PRDM16: variants seen among roughly 807,000 people sequenced by gnomAD.
PRDM16 encodes the protein PR/SET domain 16.
Under a neutral mutation model 110.6 loss-of-function variants are expected in PRDM16, and 23 were observed. That is an observed-to-expected ratio of 0.21 (90% CI 0.15 to 0.29). PRDM16 has a LOEUF of 0.29. Among genes scored for constraint, PRDM16 ranks in the 10% least tolerant of loss-of-function variants. PRDM16 has a pLI of 1.00. For synonymous variants in PRDM16, 799 were observed against 781.8 expected (o/e 1.02, Z -0.37); for missense variants, 1,615 against 1,794.3 (o/e 0.90, Z 1.81).
At chr1:3,273,616 G>A (rs1008939483) in intron 3 of PRDM16, among the ~76,000 whole-genome samples, 4 of 151,770 alleles carry the variant, frequency 2.6e-5, no homozygotes, top group Non-Finnish European at 5.9e-5. Flanking sequence ...GTACGGGCAC[G>A]TAAGTGTGTG....
intron 3 of PRDM16, among the ~76,000 whole-genome samples, chr1:3,312,949 CA>C (rs1408521986): frequency 6.6e-6 from 1 of 152,332 alleles, no homozygotes; most frequent in East Asian, 1.9e-4. Flanking sequence ...GTGCGTCTTC[CA>C]AAAGGGGCGA....
intron 3 of PRDM16, among the ~76,000 whole-genome samples, chr1:3,381,602 C>T (rs1189607876): frequency 6.6e-6 from 1 of 151,958 alleles, no homozygotes; most frequent in Admixed American, 6.5e-5. Flanking sequence ...TGTTGGCCAG[C>T]CTGGTCTTGA....
chr1:3,111,202 C>T (rs1326706301), intron 1 of PRDM16, among the ~76,000 whole-genome samples: 1 of 152,148 alleles, frequency 6.6e-6, no homozygotes, highest in Non-Finnish European at 1.5e-5. Flanking sequence ...CCTGTGCCCA[C>T]GTCACAGCCT....
chr1:3,327,912 G>T (rs1641953901), intron 3 of PRDM16, among the ~76,000 whole-genome samples: 1 of 152,252 alleles, frequency 6.6e-6, no homozygotes. Context: ...GCGGCCCAGA[G>T]TGTGTGACCT....
rs1644081032 is a variant in PRDM16, at chr1:3,175,998, G to GCCAGCCAGCCAGCCAGCCAGCCAT, written c.38-10112_38-10111insGCCAGCCATCCAGCCAGCCAGCCA. Among the ~76,000 whole-genome samples the GCCAGCCAGCCAGCCAGCCAGCCAT allele has an allele frequency of 1.1e-5, 1 of 88,934 alleles. No individual in the cohort carries two copies. 58.3% of individuals were successfully genotyped at this position (88,934 alleles called of 152,430 possible). ...ATCCATCCATGCAGCCAGCCAGCCA[G>GCCAGCCAGCCAGCCAGCCAGCCAT]CCAGCCAGCCAGCCATCCCCTTATA... On this transcript the variant is annotated intron_variant, in intron 1 of 16. Transcript: ENST00000270722. This position sits in a 1 kb window ranked among gnomAD's most constrained non-coding sequence, Gnocchi z 4.8.
chr1:3,130,099 C>T (rs1007143487), intron 1 of PRDM16, among the ~76,000 whole-genome samples: 1 of 152,182 alleles, frequency 6.6e-6, no homozygotes, highest in Non-Finnish European at 1.5e-5. Flanking sequence ...CCAACAGGTC[C>T]TGGGCTGCGT....
chr1:3,351,378 T>A (rs1237487152), intron 3 of PRDM16, among the ~76,000 whole-genome samples: 2 of 151,790 alleles, frequency 1.3e-5, no homozygotes, highest in African/African-American at 4.8e-5. Context: ...AGGGCCCACG[T>A]GGGGTCCCAG....
intron 3 of PRDM16, among the ~76,000 whole-genome samples, chr1:3,306,000 A>T (rs1450442563): frequency 6.6e-6 from 1 of 152,246 alleles, no homozygotes; most frequent in Non-Finnish European, 1.5e-5. Flanking sequence ...AGCTCGAGGC[A>T]TCCTTGGCAC....
intron 1 of PRDM16, among the ~76,000 whole-genome samples, chr1:3,122,152 T>C (rs901076329): frequency 1.3e-5 from 2 of 152,284 alleles, no homozygotes; most frequent in East Asian, 3.9e-4. Flanking sequence ...CCGGGCTGTG[T>C]GGCACAGGAC....
chr1:3,414,748 C>T (rs1478438285), intron 10 of PRDM16, 101 bp downstream of exon 10: 7 of 874,876 alleles, frequency 8.0e-6, no homozygotes, highest in East Asian at 2.6e-5. Flanking sequence ...CCTAAGTCCC[C>T]GTCCAGGCCA....
chr1:3,173,839 C>A (rs1644056232), intron 1 of PRDM16, among the ~76,000 whole-genome samples: 1 of 152,200 alleles, frequency 6.6e-6, no homozygotes, highest in Non-Finnish European at 1.5e-5. Flanking sequence ...CGGTGCAAAG[C>A]CTTTGTTCTT....
chr1:3,133,838 A>G (rs576789313), intron 1 of PRDM16: 7 of 152,294 alleles, frequency 4.6e-5, no homozygotes, highest in African/African-American at 1.4e-4. Flanking sequence ...TTTGTGCACA[A>G]TTTTTGAACA....
intron 3 of PRDM16, among the ~76,000 whole-genome samples, chr1:3,287,775 T>C (rs1449055011): frequency 7.5e-6 from 1 of 133,354 alleles, no homozygotes; most frequent in Non-Finnish European, 1.6e-5. Context: ...GAGGATTGCA[T>C]TTACCGGGGC....
intron 1 of PRDM16, among the ~76,000 whole-genome samples, chr1:3,072,151 C>T (rs986167157): frequency 6.6e-6 from 1 of 152,166 alleles, no homozygotes; most frequent in Non-Finnish European, 1.5e-5. Flanking sequence ...GAAGCCAGGG[C>T]GGTAGGGCCG....
Position 3,213,740 on chromosome 1 carries a change from G to A in PRDM16, c.387+27266G>A, listed in dbSNP as rs889256206. ...TTCTGCTCTCCCCAGGCAAGGAAGCGGGGTTTCCGGGACACCACGTCCACC... is the reference window on the plus strand; with the variant it reads ...TTCTGCTCTCCCCAGGCAAGGAAGCAGGGTTTCCGGGACACCACGTCCACC... On this transcript the variant is annotated intron_variant, in intron 2 of 16. Transcript: ENST00000270722. This position sits in a 1 kb window ranked among gnomAD's most constrained non-coding sequence, Gnocchi z 5.3. Among the ~76,000 whole-genome samples the A allele has an allele frequency of 5.3e-5, 8 of 152,090 alleles. No individual in the cohort carries two copies. The highest frequency in any genetic ancestry group is 1.9e-4 in the African/African-American group (8 of 41,418).
intron 3 of PRDM16, among the ~76,000 whole-genome samples, chr1:3,333,481 A>G (rs1255805619): frequency 1.3e-5 from 2 of 152,178 alleles, no homozygotes; most frequent in Non-Finnish European, 2.9e-5. Context: ...TTTCCAGCTC[A>G]TGTGGAGATG....
intron 1 of PRDM16, among the ~76,000 whole-genome samples, chr1:3,182,409 C>T (rs910598471): frequency 3.9e-5 from 6 of 152,326 alleles, no homozygotes; most frequent in Admixed American, 2.0e-4. Flanking sequence ...GCCGGTTTAG[C>T]ACAGTGGTCC....
chr1:3,098,637 C>A (rs1642461892), intron 1 of PRDM16, among the ~76,000 whole-genome samples: 1 of 152,198 alleles, frequency 6.6e-6, no homozygotes, highest in Non-Finnish European at 1.5e-5. Context: ...GCACTGGACC[C>A]CCGCCTTCTA....
chr1:3,248,570 G>C (rs1017456405), intron 3 of PRDM16, among the ~76,000 whole-genome samples: 1 of 152,232 alleles, frequency 6.6e-6, no homozygotes, highest in African/African-American at 2.4e-5. Context: ...CGAGGGGCGG[G>C]AGTGCAGAGG....
Sources: allele counts gnomAD v4.1 joint callset (sites outside exome capture counted in the v4.1 genomes callset), GRCh38; gene constraint gnomAD v4.1.1; non-coding constraint Gnocchi (gnomAD v3.1); transcripts MANE v1.5; gene names NCBI Gene and HGNC (gene_info 2026-07-23, HGNC 2026-07-21).